B3GAT2: variants seen among roughly 807,000 people sequenced by gnomAD.
B3GAT2 encodes beta-1,3-glucuronyltransferase 2.
In B3GAT2, 26 loss-of-function variants were observed where a neutral mutation model predicts 27.8. The ratio of observed to expected loss-of-function variants is 0.93; its 90% CI spans 0.68 to 1.30. B3GAT2 has a LOEUF of 1.30. Among genes scored for constraint, B3GAT2 ranks in the 50% most tolerant of loss-of-function variants. B3GAT2 has a pLI of 0.00. For missense variants in B3GAT2, 458 were observed against 459.0 expected (o/e 1.00, Z 0.02); for synonymous variants, 218 against 195.1 (o/e 1.12, Z -0.98).
At chr6:70,943,124 T>C (rs1765420334) in intron 1 of B3GAT2, among the ~76,000 whole-genome samples, 1 of 152,222 alleles carries the variant, frequency 6.6e-6, no homozygotes, top group Non-Finnish European at 1.5e-5. Flanking sequence ...GTAGAGAACA[T>C]GGCTGTCCTC....
chr6:70,905,791 A>G (rs895554396), intron 1 of B3GAT2, among the ~76,000 whole-genome samples: 1 of 152,180 alleles, frequency 6.6e-6, no homozygotes, highest in African/African-American at 2.4e-5. Context: ...GCTACTCTAC[A>G]TCTCAAAAAA....
intron 1 of B3GAT2, among the ~76,000 whole-genome samples, chr6:70,919,183 G>C (rs778663959): frequency 1.3e-5 from 2 of 152,088 alleles, no homozygotes; most frequent in Non-Finnish European, 2.9e-5. Flanking sequence ...TCGCTTGATT[G>C]AATCAGCTAT....
intron 1 of B3GAT2, among the ~76,000 whole-genome samples, chr6:70,925,272 G>C (rs1382914087): frequency 6.6e-5 from 10 of 152,242 alleles, no homozygotes; most frequent in African/African-American, 2.4e-4. Context: ...TCCAACTAAG[G>C]TACTGGGTTC....
intron 1 of B3GAT2, among the ~76,000 whole-genome samples, chr6:70,898,205 T>C (rs760211186): frequency 9.2e-5 from 14 of 152,210 alleles, no homozygotes; most frequent in Non-Finnish European, 1.6e-4. Context: ...TTAACAATAT[T>C]GAGTTTTCTA....
At chr6:70,898,360 A>G (rs575266015) in intron 1 of B3GAT2, among the ~76,000 whole-genome samples, 1 of 152,244 alleles carries the variant, frequency 6.6e-6, no homozygotes, top group South Asian at 2.1e-4. Flanking sequence ...AACCCAGGAA[A>G]TTTACTAAAA....
Position 70,955,990 on chromosome 6 carries a change from CG to C in B3GAT2, c.439del (p.Arg147AlafsTer103), listed in dbSNP as rs1765649041. 1 of 1,456,796 alleles carries C rather than the reference CG, an allele frequency of 6.9e-7. No homozygotes were observed. The highest frequency in any genetic ancestry group is 1.5e-5 in the African/African-American group (1 of 67,060). 90.2% of individuals were successfully genotyped at this position (1,456,796 alleles called of 1,614,324 possible). ...STHLHVPTPR[R>X]YKRPGLPRAT... ...GCGCGGCAGCCCGGGCCGCTTGTAG[CG>C]CCGCGGCGTGGGCACGTGCAGGTGA... On this transcript the variant is annotated frameshift_variant, in exon 1 of 4. Transcript: ENST00000230053. LOFTEE classifies it high-confidence loss of function.
chr6:70,954,404 A>C (rs1765617814), intron 1 of B3GAT2, among the ~76,000 whole-genome samples: 1 of 152,206 alleles, frequency 6.6e-6, no homozygotes, highest in South Asian at 2.1e-4. Flanking sequence ...GATGAAGGAC[A>C]ATTACTGTGC....
In B3GAT2 at chr6:70,861,019, G is replaced by C. The variant is rs141688465; in HGVS notation, c.*644C>G. The C allele has an allele frequency of 3.7e-6, 1 of 270,684 alleles. No homozygotes were observed. Among genetic ancestry groups the C allele is most frequent in the East Asian group, 6.1e-5 (1 of 16,446 alleles). 16.8% of individuals were successfully genotyped at this position (270,684 alleles called of 1,614,324 possible). On this transcript the variant is annotated 3_prime_UTR_variant, in exon 4 of 4. Transcript: ENST00000230053. ...ATGAAGACCTTTTTCTGCACTATAT[G>C]CAAACAGGGTAACTAACTAAAACAA...
rs1416067277 is a variant in B3GAT2, at chr6:70,860,891, G to A, written c.*772C>T. On this transcript the variant is annotated 3_prime_UTR_variant, in exon 4 of 4. Transcript: ENST00000230053. ...CGTGATTAGTGAAAGGAAGATAAAC[G>A]TGGATGTTACTCCAAAACTTCGTTT... is the stretch of plus-strand genomic sequence containing the variant. The A allele has an allele frequency of 2.3e-5, 9 of 390,652 alleles. No individual in the cohort carries two copies. Among genetic ancestry groups the A allele is most frequent in the Admixed American group, 8.9e-5 (2 of 22,482 alleles). 24.2% of individuals were successfully genotyped at this position (390,652 alleles called of 1,614,324 possible). A position where few individuals can be genotyped will look rare whatever the true frequency, so the allele number is the denominator to read the frequency against.
chr6:70,900,195 A>G (rs1041116558), intron 1 of B3GAT2, among the ~76,000 whole-genome samples: 2 of 152,234 alleles, frequency 1.3e-5, no homozygotes, highest in African/African-American at 4.8e-5. Context: ...TTAATCAACC[A>G]AACTCACAGC....
chr6:70,913,497 T>G (rs972109745), intron 1 of B3GAT2, among the ~76,000 whole-genome samples: 10 of 152,242 alleles, frequency 6.6e-5, no homozygotes, highest in African/African-American at 2.4e-4. Flanking sequence ...TTGATTTGCA[T>G]GTAGCTGTAT....
Position 70,860,794 on chromosome 6 carries a change from C to G in B3GAT2, c.*869G>C, listed in dbSNP as rs1279038091. The G allele has an allele frequency of 2.5e-6, 1 of 398,552 alleles. No homozygotes were observed. The highest frequency in any genetic ancestry group is 4.4e-6 in the Non-Finnish European group (1 of 225,792). The allele number at this position is 398,552 out of a possible 1,614,324, so 24.7% of individuals were successfully genotyped here. ...TAAATGTCTCACTGAGCACTGTTTT[C>G]TAGTGTATCAAAATGCTCTTATTTC... On this transcript the variant is annotated 3_prime_UTR_variant, in exon 4 of 4. Coordinates refer to ENST00000230053, the MANE Select transcript of B3GAT2 (RefSeq NM_080742.3).
At chr6:70,863,304 A>G (rs1005591347) in intron 2 of B3GAT2, among the ~76,000 whole-genome samples, 1 of 152,226 alleles carries the variant, frequency 6.6e-6, no homozygotes, top group Admixed American at 6.5e-5. Context: ...TGAAAACACC[A>G]CAACCACCAT....
Position 70,912,659 on chromosome 6 carries a change from CTTATA to C in B3GAT2, c.592-18392_592-18388del, listed in dbSNP as rs1365612517. 2.4e-4 allele frequency among the ~76,000 whole-genome samples: 37 copies of C among 151,606 alleles called. No individual in the cohort carries two copies. In the South Asian group the frequency reaches 7.7e-3, roughly 32 times the overall value. Reference sequence around the variant, plus strand: ...GGCCTTATATCAGGATGATGCTGGCCTTATATCAGGATGATGCTGGCCTTATAGAA... The same window carrying C: ...GGCCTTATATCAGGATGATGCTGGCCTCAGGATGATGCTGGCCTTATAGAA... On this transcript the variant is annotated intron_variant, in intron 1 of 3. Transcript: ENST00000230053.
chr6:70,945,214 C>T (rs1460552459), intron 1 of B3GAT2, among the ~76,000 whole-genome samples: 7 of 152,190 alleles, frequency 4.6e-5, no homozygotes, highest in Non-Finnish European at 8.8e-5. Flanking sequence ...CGGAACAAAG[C>T]TGGACAGAGA....
intron 2 of B3GAT2, among the ~76,000 whole-genome samples, chr6:70,883,958 A>G (rs1772138865): frequency 6.6e-6 from 1 of 151,986 alleles, no homozygotes; most frequent in African/African-American, 2.4e-5. Context: ...CCTGAGATGG[A>G]CACAGGGGGT....
At chr6:70,947,423 G>C (rs1444347125) in intron 1 of B3GAT2, among the ~76,000 whole-genome samples, 13 of 152,062 alleles carry the variant, frequency 8.5e-5, no homozygotes, top group Middle Eastern at 3.4e-3. Flanking sequence ...CACAGAAATA[G>C]AAACTACCAT....
chr6:70,951,509 C>A (rs1391425608), intron 1 of B3GAT2, among the ~76,000 whole-genome samples: 3 of 152,086 alleles, frequency 2.0e-5, no homozygotes, highest in African/African-American at 4.8e-5. Context: ...GAGACAGAAT[C>A]ATCAGTGAAA....
chr6:70,932,465 A>G (rs563814340), intron 1 of B3GAT2, among the ~76,000 whole-genome samples: 4 of 152,206 alleles, frequency 2.6e-5, no homozygotes, highest in Non-Finnish European at 5.9e-5. Context: ...ATTCAGCCCC[A>G]AAAAGGAATT....
Sources: allele counts gnomAD v4.1 joint callset (sites outside exome capture counted in the v4.1 genomes callset), GRCh38; gene constraint gnomAD v4.1.1; transcripts MANE v1.5; gene names NCBI Gene and HGNC (gene_info 2026-07-23, HGNC 2026-07-21).